The following SCAMP1 variants were observed in gnomAD, a reference collection of about 807,000 sequenced individuals.
SCAMP1 encodes secretory carrier membrane protein 1, also known as secretory carrier-associated membrane protein 1.
Under a neutral mutation model 41.8 loss-of-function variants are expected in SCAMP1, and 15 were observed. That is an observed-to-expected ratio of 0.36 (90% confidence interval 0.24 to 0.55). The LOEUF is 0.55. Among genes scored for constraint, SCAMP1 ranks in the 20% least tolerant of loss-of-function variants. The pLI, the probability that SCAMP1 is intolerant of heterozygous loss-of-function variation, is 0.86. For missense variants in SCAMP1, 341 were observed against 412.6 expected (o/e 0.83, Z 1.50); for synonymous variants, 135 against 136.8 (o/e 0.99, Z 0.09).
At chr5:78,395,298 A>G (rs1751623485) in intron 2 of SCAMP1, among the ~76,000 whole-genome samples, 1 of 152,174 alleles carries the variant, frequency 6.6e-6, no homozygotes. Context: ...GCCAAAGTCT[A>G]ATTAACTCAT....
chr5:78,398,575 A>T (rs1238731321), intron 2 of SCAMP1, among the ~76,000 whole-genome samples: 6 of 110,698 alleles, frequency 5.4e-5, no homozygotes, highest in African/African-American at 1.8e-4. Context: ...TTTTTGAGAC[A>T]GAGTCTTGCT....
chr5:78,449,654 T>G (rs1252134695), intron 6 of SCAMP1, among the ~76,000 whole-genome samples: 3 of 152,212 alleles, frequency 2.0e-5, no homozygotes, highest in Admixed American at 6.5e-5. Context: ...ACGAGTAAGT[T>G]TTTTTGTCAA....
chr5:78,468,197 T>C (rs899298606), intron 8 of SCAMP1, among the ~76,000 whole-genome samples: 10 of 152,160 alleles, frequency 6.6e-5, no homozygotes, highest in African/African-American at 2.4e-4. Context: ...CCCCACAGTG[T>C]TGTTTTATAC....
intron 2 of SCAMP1, among the ~76,000 whole-genome samples, chr5:78,400,010 G>T (rs181820285): frequency 2.0e-5 from 3 of 152,264 alleles, no homozygotes; most frequent in Admixed American, 2.0e-4. Flanking sequence ...GGCTGGTCTT[G>T]AACTCTTAAG....
At chr5:78,372,273 A>G (rs1378748495) in intron 1 of SCAMP1, among the ~76,000 whole-genome samples, 1 of 152,230 alleles carries the variant, frequency 6.6e-6, no homozygotes, top group Non-Finnish European at 1.5e-5. Flanking sequence ...GGAAAAGAGC[A>G]TCAGGAGTAT....
At chr5:78,420,918 G>A (rs1256567917) in intron 5 of SCAMP1, among the ~76,000 whole-genome samples, 1 of 151,980 alleles carries the variant, frequency 6.6e-6, no homozygotes, top group Non-Finnish European at 1.5e-5. Context: ...TAATTTGTTG[G>A]CATATTTTTA....
In SCAMP1 at chr5:78,456,252, G is replaced by C. The variant is rs867776774; in HGVS notation, c.735-2993G>C. 6.3e-3 allele frequency among the ~76,000 whole-genome samples: 927 copies of C among 146,198 alleles called. 6 individuals carry two copies. Among genetic ancestry groups the C allele is most frequent in the African/African-American group, 0.023 (882 of 39,178 alleles). On this transcript the variant is annotated intron_variant, in intron 7 of 8. Coordinates refer to ENST00000621999, the MANE Select transcript of SCAMP1 (RefSeq NM_004866.6). ...ATGATGTTAGCTGGTGATTTTGCTCGTTAGTTGATGCAGTTTCTTCCTAGT... is the reference window on the plus strand; with the variant it reads ...ATGATGTTAGCTGGTGATTTTGCTCCTTAGTTGATGCAGTTTCTTCCTAGT...
At chr5:78,380,407 A>G (rs1227798513) in intron 1 of SCAMP1, among the ~76,000 whole-genome samples, 1 of 152,198 alleles carries the variant, frequency 6.6e-6, no homozygotes, top group Admixed American at 6.5e-5. Context: ...CTTTATTCCC[A>G]TTAGCAATGC....
intron 8 of SCAMP1, among the ~76,000 whole-genome samples, chr5:78,461,516 T>C (rs1753613485): frequency 6.6e-6 from 1 of 152,196 alleles, no homozygotes; most frequent in Non-Finnish European, 1.5e-5. Context: ...GGTTCTCTGT[T>C]CGATTGGTCT....
At chr5:78,396,516 A>C (rs1751655432) in intron 2 of SCAMP1, among the ~76,000 whole-genome samples, 1 of 152,240 alleles carries the variant, frequency 6.6e-6, no homozygotes, top group African/African-American at 2.4e-5. Context: ...ACATCCAGAT[A>C]GACATGTTTA....
At chr5:78,435,625 T>C (rs913910581) in intron 6 of SCAMP1, among the ~76,000 whole-genome samples, 1 of 152,230 alleles carries the variant, frequency 6.6e-6, no homozygotes, top group African/African-American at 2.4e-5. Flanking sequence ...TAGTCTATCA[T>C]TGATGGACAT....
intron 1 of SCAMP1, among the ~76,000 whole-genome samples, chr5:78,369,979 G>C (rs564772346): frequency 6.6e-6 from 1 of 152,296 alleles, no homozygotes; most frequent in Admixed American, 6.5e-5. Context: ...GCTTTTGAAG[G>C]CCATTTTCAA....
At position 78,411,136 on chromosome 5, in the gene SCAMP1, G is replaced by A. The variant is rs371491851; in HGVS notation, c.136-4384G>A. Reference sequence around the variant, plus strand: ...TGTTTTGCTGTGCAGAAGCTCTTTAGTTTAATTAGATCTCATTTGTCAATT... The same window carrying A: ...TGTTTTGCTGTGCAGAAGCTCTTTAATTTAATTAGATCTCATTTGTCAATT... On this transcript the variant is annotated intron_variant, in intron 2 of 8. Transcript: ENST00000621999. 7.2e-5 allele frequency among the ~76,000 whole-genome samples: 11 copies of A among 152,244 alleles called. No individual in the cohort carries two copies. The East Asian group carries it at 1.7e-3, about 24-fold the overall frequency.
At chr5:78,391,381 C>T (rs1472825658) in intron 2 of SCAMP1, among the ~76,000 whole-genome samples, 5 of 151,378 alleles carry the variant, frequency 3.3e-5, no homozygotes, top group Non-Finnish European at 7.4e-5. Flanking sequence ...CCTCACCTCC[C>T]GGACGGGGCG....
At chr5:78,422,465 G>A (rs1012007222) in intron 6 of SCAMP1, among the ~76,000 whole-genome samples, 4 of 151,952 alleles carry the variant, frequency 2.6e-5, no homozygotes, top group Non-Finnish European at 5.9e-5. Flanking sequence ...AACGATTTAT[G>A]CTACTAGGTT....
chr5:78,470,800 G>A (rs1295597392), intron 8 of SCAMP1, among the ~76,000 whole-genome samples: 1 of 152,082 alleles, frequency 6.6e-6, no homozygotes, highest in Non-Finnish European at 1.5e-5. Flanking sequence ...CTACATCCTT[G>A]CCAACACTTG....
intron 8 of SCAMP1, among the ~76,000 whole-genome samples, chr5:78,459,770 A>AT (rs1488143871): frequency 7.9e-5 from 12 of 151,938 alleles, no homozygotes; most frequent in Admixed American, 7.2e-4. Context: ...TTGTTTTTTA[A>AT]TTTTTTATTA....
chr5:78,399,878 TAA>T (rs1325217586), intron 2 of SCAMP1, among the ~76,000 whole-genome samples: 29 of 152,336 alleles, frequency 1.9e-4, no homozygotes, highest in African/African-American at 6.7e-4. Context: ...CAAGGTCAAT[TAA>T]GTTTTCTCCT....
chr5:78,417,533 A>C (rs947149359), intron 4 of SCAMP1, among the ~76,000 whole-genome samples: 1 of 152,242 alleles, frequency 6.6e-6, no homozygotes, highest in Non-Finnish European at 1.5e-5. Flanking sequence ...GACAGTAACA[A>C]AGAGTAGGAA....
Sources: gnomAD v4.1 joint callset for allele counts (sites outside exome capture counted in the v4.1 genomes callset) on GRCh38, gnomAD v4.1.1 for gene constraint, MANE v1.5 for transcripts, NCBI Gene and HGNC (gene_info 2026-07-23, HGNC 2026-07-21) for gene names.